The following TMEM51 variants were observed in gnomAD, a reference collection of about 807,000 sequenced individuals.
TMEM51 encodes chromosome 1 open reading frame 72.
A neutral mutation model predicts 13.6 loss-of-function variants in TMEM51; 8 were observed. The observed-to-expected ratio is 0.59, with a 90% confidence interval of 0.35 to 1.07. The LOEUF is 1.07. Among genes scored for constraint, TMEM51 ranks in the 50% least tolerant of loss-of-function variants. The probability of loss-of-function intolerance (pLI) is 0.02; values close to 1 mark genes in which losing one functional copy is unlikely to be tolerated. For missense variants in TMEM51, 279 were observed against 330.7 expected (o/e 0.84, Z 1.21); for synonymous variants, 147 against 144.4 (o/e 1.02, Z -0.13).
At chr1:15,200,179 CT>C (rs1644127279) in intron 1 of TMEM51, among the ~76,000 whole-genome samples, 1 of 151,824 alleles carries the variant, frequency 6.6e-6, no homozygotes, top group Admixed American at 6.6e-5. Context: ...CACTGGTGTC[CT>C]TGTGAGAAGA....
At chr1:15,185,387 C>A (rs1243734019) in intron 1 of TMEM51, among the ~76,000 whole-genome samples, 1 of 152,194 alleles carries the variant, frequency 6.6e-6, no homozygotes, top group Non-Finnish European at 1.5e-5. Flanking sequence ...ACTCATGAAA[C>A]CTGAGAATTT....
At chr1:15,201,437 A>G (rs12090557) in intron 1 of TMEM51, among the ~76,000 whole-genome samples, 4,739 of 151,636 alleles carry the variant, frequency 0.031, 235 homozygotes, top group African/African-American at 0.1. Flanking sequence ...AATACATAAA[A>G]TTAATAGTAA....
At chr1:15,213,803 C>T (rs1236545815) in intron 2 of TMEM51, among the ~76,000 whole-genome samples, 1 of 152,140 alleles carries the variant, frequency 6.6e-6, no homozygotes, top group Non-Finnish European at 1.5e-5. Flanking sequence ...TGCTGGGTGA[C>T]TTCATGTGGC....
At chr1:15,159,413 C>G (rs1205717000) in intron 1 of TMEM51, among the ~76,000 whole-genome samples, 2 of 152,200 alleles carry the variant, frequency 1.3e-5, no homozygotes, top group Non-Finnish European at 2.9e-5. Context: ...GTTGCGTGCA[C>G]TAGGAATTCA....
chr1:15,184,236 A>G (rs1167256558), intron 1 of TMEM51, among the ~76,000 whole-genome samples: 1 of 152,210 alleles, frequency 6.6e-6, no homozygotes, highest in Non-Finnish European at 1.5e-5. Context: ...CATGTTGGCC[A>G]GGATGATCTT....
At chr1:15,204,954 G>C (rs939542011) in intron 1 of TMEM51, among the ~76,000 whole-genome samples, 1 of 152,084 alleles carries the variant, frequency 6.6e-6, no homozygotes, top group Non-Finnish European at 1.5e-5. Flanking sequence ...GAGAAGGTTC[G>C]AGGTGTCAGA....
chr1:15,177,438 A>C (rs1270708838), intron 1 of TMEM51, among the ~76,000 whole-genome samples: 1 of 152,140 alleles, frequency 6.6e-6, no homozygotes, highest in East Asian at 1.9e-4. Flanking sequence ...GGGAGGAACC[A>C]GGGGCCGGGG....
chr1:15,211,819 TGACCCCC>T (rs964217158), intron 2 of TMEM51, among the ~76,000 whole-genome samples: 37 of 56,522 alleles, frequency 6.5e-4, no homozygotes, highest in African/African-American at 2.0e-3. Flanking sequence ...GTCTGAAAGG[TGACCCCC>T]CCCCCCCCCC....
chr1:15,197,644 GA>G (rs764067379), intron 1 of TMEM51, among the ~76,000 whole-genome samples: 2 of 145,402 alleles, frequency 1.4e-5, no homozygotes, highest in Non-Finnish European at 3.0e-5. Context: ...CCAGTGCTCC[GA>G]TTATGGGCAC....
In TMEM51 at chr1:15,215,116, C is replaced by G. The variant is rs762237635; in HGVS notation, c.29C>G (p.Ser10Trp). 6.2e-6 allele frequency: 10 copies of G among 1,613,586 alleles called. No homozygotes were observed. Among genetic ancestry groups the G allele is most frequent in the South Asian group, 1.1e-5 (1 of 91,078 alleles). MMAQSKANG[S>W]HYALTAIGLG... ...ATGGCCCAGTCCAAGGCCAATGGCTCGCACTATGCGCTGACCGCCATCGGC... is the reference window on the plus strand; with the variant it reads ...ATGGCCCAGTCCAAGGCCAATGGCTGGCACTATGCGCTGACCGCCATCGGC... The change falls in exon 3 of 4, where the codon TCG becomes TGG. Residue 10 changes from serine to tryptophan, a missense_variant. Transcript: ENST00000376008.
At chr1:15,153,214 G>A (rs1348183767), upstream of TMEM51, among the ~76,000 whole-genome samples, 2 of 89,902 alleles carry the variant, frequency 2.2e-5, no homozygotes, top group African/African-American at 7.0e-5. Context: ...GAGGGAGGCG[G>A]TGGCCTCCCC....
At chr1:15,180,554 GT>G (rs1382507195) in intron 1 of TMEM51, among the ~76,000 whole-genome samples, 4 of 152,198 alleles carry the variant, frequency 2.6e-5, no homozygotes, top group Non-Finnish European at 5.9e-5. Context: ...TATGCTGATT[GT>G]TTTGGGGGCA....
At chr1:15,190,760 T>TGTTTTTG (rs199930607) in intron 1 of TMEM51, among the ~76,000 whole-genome samples, 6 of 152,124 alleles carry the variant, frequency 3.9e-5, no homozygotes, top group Non-Finnish European at 8.8e-5. Context: ...TTTTTTGTTT[T>TGTTTTTG]GTTTTTGGTT....
At chr1:15,156,635 C>T (rs1391177384) in intron 1 of TMEM51, among the ~76,000 whole-genome samples, 1 of 152,216 alleles carries the variant, frequency 6.6e-6, no homozygotes, top group Non-Finnish European at 1.5e-5. Context: ...TATCCTTCTC[C>T]ATGCTTCAAG....
At chr1:15,197,371 A>G (rs1467882989) in intron 1 of TMEM51, among the ~76,000 whole-genome samples, 1 of 152,044 alleles carries the variant, frequency 6.6e-6, no homozygotes, top group African/African-American at 2.4e-5. Flanking sequence ...AGGTAAAACA[A>G]CAGCATCCTC....
chr1:15,171,912 C>A (rs986873712), intron 1 of TMEM51, among the ~76,000 whole-genome samples: 10 of 152,272 alleles, frequency 6.6e-5, no homozygotes, highest in African/African-American at 2.4e-4. Flanking sequence ...ATCCCAACAA[C>A]CCCTTGCTCA....
In TMEM51 at chr1:15,188,212, C is replaced by T. The variant is rs1399158242; in HGVS notation, c.-266-22278C>T. ...GTCCCCTCCTCAGGCAGCCTCTCCC[C>T]TTGTGATGACAAGACGGCCACCAGC... On this transcript the variant is annotated intron_variant, in intron 1 of 3. Transcript: ENST00000376008. Among the ~76,000 whole-genome samples the T allele has an allele frequency of 2.0e-5, 3 of 152,298 alleles. No individual in the cohort carries two copies. In the East Asian group the frequency reaches 5.8e-4, roughly 29 times the overall value.
chr1:15,169,654 C>A (rs1643167394), intron 1 of TMEM51, among the ~76,000 whole-genome samples: 1 of 152,078 alleles, frequency 6.6e-6, no homozygotes, highest in South Asian at 2.1e-4. Context: ...GTAGAAACAA[C>A]CCAAATGTCC....
chr1:15,161,875 G>A lies in TMEM51; in HGVS notation c.-267+7921G>A, dbSNP rs1359954023. On this transcript the variant is annotated intron_variant, in intron 1 of 3. Coordinates refer to ENST00000376008, the MANE Select transcript of TMEM51 (RefSeq NM_001136218.2). The surrounding 1 kb of genome is among the most constrained non-coding windows in gnomAD (Gnocchi z 4.0). ...ACCCGGGAGGCGGAGGTTGCAGTGA[G>A]CCGAGATGGAGCCACTGCACTCCAG... 1.3e-5 allele frequency among the ~76,000 whole-genome samples: 2 copies of A among 152,028 alleles called. No homozygotes were observed. Among genetic ancestry groups the A allele is most frequent in the African/African-American group, 4.8e-5 (2 of 41,286 alleles).
Sources: allele counts gnomAD v4.1 joint callset (sites outside exome capture counted in the v4.1 genomes callset), GRCh38; gene constraint gnomAD v4.1.1; non-coding constraint Gnocchi (gnomAD v3.1); transcripts MANE v1.5; gene names NCBI Gene and HGNC (gene_info 2026-07-23, HGNC 2026-07-21).